The following DNAJC13 variants were observed in gnomAD, a reference collection of about 807,000 sequenced individuals.
DNAJC13 encodes dnaJ homolog subfamily C member 13.
Under a neutral mutation model 290.5 loss-of-function variants are expected in DNAJC13, and 75 were observed. The ratio of observed to expected loss-of-function variants is 0.26; its 90% CI spans 0.21 to 0.31. DNAJC13 has a LOEUF of 0.31. Ranked by LOEUF, DNAJC13 falls within the 10% of genes least tolerant of loss-of-function variation. DNAJC13 has a pLI of 1.00. For missense variants in DNAJC13, 2,260 were observed against 2,674.5 expected (o/e 0.85, Z 3.42); for synonymous variants, 862 against 892.0 (o/e 0.97, Z 0.60).
chr3:132,472,581 A>C, intron 20 of DNAJC13: 6 of 985,344 alleles, frequency 6.1e-6, no homozygotes, highest in Non-Finnish European at 7.2e-6. Context: ...GGTGAGTGTA[A>C]GTTCCTGCTA....
chr3:132,463,715 C>G lies in DNAJC13; in HGVS notation c.1790C>G (p.Ala597Gly). ...CCAAAGGAAGGTGATAAAGAAATTGCTACAAAAATGCAGGAGCTTGCCCTA... is the reference window on the plus strand; with the variant it reads ...CCAAAGGAAGGTGATAAAGAAATTGGTACAAAAATGCAGGAGCTTGCCCTA... ...AIIEEGDKEI[A>G]TKMQELALSE... The change falls in exon 17 of 56, where the codon GCT becomes GGT. Residue 597 changes from alanine to glycine, a missense_variant. Physicochemically the swap from Ala to Gly is moderately conservative, Grantham distance 60. This residue lies in a region of DNAJC13 where 762 missense variants were observed against 964.1 expected (regional missense o/e 0.79). Coordinates refer to ENST00000260818, the MANE Select transcript of DNAJC13 (RefSeq NM_015268.4). 6.2e-7 allele frequency: 1 copy of G among 1,612,686 alleles called. No homozygotes were observed. Among genetic ancestry groups the G allele is most frequent in the Non-Finnish European group, 8.5e-7 (1 of 1,179,108 alleles).
In DNAJC13 at chr3:132,528,284, T is replaced by A. The variant is rs1936319896; in HGVS notation, c.6477T>A (p.Ile2159=). 1 of 1,614,040 alleles carries A rather than the reference T, an allele frequency of 6.2e-7. No individual in the cohort carries two copies. The highest frequency in any genetic ancestry group is 1.3e-5 in the African/African-American group (1 of 74,916). The part of the protein sequence containing the change: ...LDSPAATKAQ[I]VKALKAMTRS... The stretch of plus-strand genomic sequence containing the variant: ...GCCCAGCAGCCACTAAGGCTCAGAT[T>A]GTTAAAGCTCTCAAGGCAATGACTC... Residue 2159 remains isoleucine (I), a synonymous_variant, in exon 54 of 56, where the codon ATT becomes ATA. Coordinates refer to ENST00000260818, the MANE Select transcript of DNAJC13 (RefSeq NM_015268.4).
chr3:132,533,333 CT>C (rs1180651951), intron 55 of DNAJC13, among the ~76,000 whole-genome samples: 77 of 115,698 alleles, frequency 6.7e-4, no homozygotes, highest in African/African-American at 9.4e-4. Context: ...TGCCCGCCCT[CT>C]TTTTTTTTTT....
intron 38 of DNAJC13, 25 bp downstream of exon 38, chr3:132,499,833 AG>A (rs765943922): frequency 6.2e-7 from 1 of 1,600,004 alleles, no homozygotes; most frequent in South Asian, 1.1e-5. Context: ...TGTGGTTCCA[AG>A]AAAATTGCAC....
At chr3:132,423,211 T>G (rs1412786051) in intron 1 of DNAJC13, among the ~76,000 whole-genome samples, 1 of 152,058 alleles carries the variant, frequency 6.6e-6, no homozygotes, top group Non-Finnish European at 1.5e-5. Context: ...CCCAGGAGAC[T>G]GAGATTACAG....
At chr3:132,423,772 T>C (rs1939022364) in intron 1 of DNAJC13, among the ~76,000 whole-genome samples, 1 of 152,186 alleles carries the variant, frequency 6.6e-6, no homozygotes, top group South Asian at 2.1e-4. Context: ...AAGAACAGTG[T>C]TTGGGTTTTC....
chr3:132,527,964 G>A (rs1412193172), intron 53 of DNAJC13, among the ~76,000 whole-genome samples: 1 of 152,132 alleles, frequency 6.6e-6, no homozygotes, highest in Non-Finnish European at 1.5e-5. Context: ...TTTACCCTCT[G>A]TGCATTAATT....
intron 36 of DNAJC13, among the ~76,000 whole-genome samples, chr3:132,497,606 AT>A (rs747702707): frequency 6.6e-6 from 1 of 152,214 alleles, no homozygotes; most frequent in Non-Finnish European, 1.5e-5. Flanking sequence ...TTTATAATAC[AT>A]TTTAGATATA....
Position 132,489,108 on chromosome 3 carries a change from T to C in DNAJC13, c.3468+87T>C, listed in dbSNP as rs553740368. Reference sequence around the variant, plus strand: ...TTCCTGAGCTGTGTATTATGTTTACTAGATTATAAGTACTTGAGGGTAGGT... The same window carrying C: ...TTCCTGAGCTGTGTATTATGTTTACCAGATTATAAGTACTTGAGGGTAGGT... On this transcript the variant is annotated intron_variant, in intron 31 of 55. Coordinates refer to ENST00000260818, the MANE Select transcript of DNAJC13 (RefSeq NM_015268.4). 4.1e-5 allele frequency: 44 copies of C among 1,066,148 alleles called. No individual in the cohort carries two copies. The African/African-American group carries it at 6.0e-4, about 15-fold the overall frequency. 66.0% of individuals were successfully genotyped at this position (1,066,148 alleles called of 1,614,324 possible). A position where few individuals can be genotyped will look rare whatever the true frequency, so the allele number is the denominator to read the frequency against.
rs1933829651 is a variant in DNAJC13, at chr3:132,462,450, TC to T, written c.1714-12del. The stretch of plus-strand genomic sequence containing the variant: ...TTCTTTTTTATTTTTTGATACTTTT[TC>T]CCCCTCACTTTAAAGCATCCTTCCA... On this transcript the variant is annotated splice_polypyrimidine_tract_variant and intron_variant, in intron 15 of 55. Coordinates refer to ENST00000260818, the MANE Select transcript of DNAJC13 (RefSeq NM_015268.4). The T allele has an allele frequency of 1.2e-6, 2 of 1,605,928 alleles. No individual in the cohort carries two copies. Among genetic ancestry groups the T allele is most frequent in the African/African-American group, 1.3e-5 (1 of 74,572 alleles).
Position 132,460,299 on chromosome 3 carries a change from C to A in DNAJC13, c.1499C>A (p.Ser500Tyr). The A allele has an allele frequency of 6.2e-7, 1 of 1,612,486 alleles. No individual in the cohort carries two copies. The highest frequency in any genetic ancestry group is 8.5e-7 in the Non-Finnish European group (1 of 1,179,110). ...AGACAAGAACAGTTGAACAAAGCTT[C>A]TCTTCTCTCGTCAAAGAAGTTTCTG... ...DLRQEQLNKA[S>Y]LLSSKKFLEN... is the part of the protein sequence containing the mutation. Residue 500 changes from serine (S) to tyrosine (Y), a missense_variant, in exon 14 of 56, where the codon TCT (serine) becomes TAT (tyrosine). This residue lies in a region of DNAJC13 where 762 missense variants were observed against 964.1 expected (regional missense o/e 0.79). Transcript: ENST00000260818.
intron 20 of DNAJC13, chr3:132,472,660 A>G: frequency 1.1e-6 from 1 of 900,506 alleles, no homozygotes; most frequent in Non-Finnish European, 1.3e-6. Context: ...TAATAAATTC[A>G]AGTCTTAACT....
At position 132,477,748 on chromosome 3, in the gene DNAJC13, A is replaced by G; in HGVS notation, c.2446-41A>G. On this transcript the variant is annotated intron_variant, in intron 22 of 55. Coordinates refer to ENST00000260818, the MANE Select transcript of DNAJC13 (RefSeq NM_015268.4). ...CAATTATTAGAAATTGCCAAAATCTATTGTAAACTAAAATAGTGTAATTTG... is the reference window on the plus strand; with the variant it reads ...CAATTATTAGAAATTGCCAAAATCTGTTGTAAACTAAAATAGTGTAATTTG... The G allele has an allele frequency of 2.7e-6, 4 of 1,478,346 alleles. No homozygotes were observed. In the South Asian group the frequency reaches 3.7e-5, roughly 14 times the overall value. The allele number at this position is 1,478,346 out of a possible 1,614,324, so 91.6% of individuals were successfully genotyped here.
chr3:132,524,576 T>TA (rs1419699342), intron 51 of DNAJC13, among the ~76,000 whole-genome samples: 2 of 152,266 alleles, frequency 1.3e-5, no homozygotes, highest in African/African-American at 4.8e-5. Flanking sequence ...AGAAATTAGT[T>TA]ACTATCATTA....
At chr3:132,439,684 A>C (rs1002619844) in intron 2 of DNAJC13, among the ~76,000 whole-genome samples, 3 of 152,236 alleles carry the variant, frequency 2.0e-5, no homozygotes, top group Non-Finnish European at 4.4e-5. Context: ...CAGACATTGC[A>C]TCATGGAATT....
chr3:132,456,445 T>C, intron 10 of DNAJC13, 44 bp downstream of exon 10: 2 of 1,609,246 alleles, frequency 1.2e-6, no homozygotes, highest in Non-Finnish European at 1.7e-6. Flanking sequence ...CTCATCTACT[T>C]AATTTAAGAA....
intron 25 of DNAJC13, 115 bp from the exon 26 acceptor site, chr3:132,480,254 T>G (rs1242071796): frequency 3.5e-6 from 2 of 575,332 alleles, no homozygotes; most frequent in Non-Finnish European, 6.0e-6. Context: ...ACTCCAAACA[T>G]TCTTTTCTTC....
intron 46 of DNAJC13, 114 bp downstream of exon 46, chr3:132,514,784 T>C: frequency 1.4e-6 from 1 of 733,146 alleles, no homozygotes; most frequent in Non-Finnish European, 2.3e-6. Flanking sequence ...AGTTTTAAAG[T>C]GTTATTTACA....
At chr3:132,495,265 C>A (rs1935200608) in intron 35 of DNAJC13, 99 bp downstream of exon 35, 2 of 883,602 alleles carry the variant, frequency 2.3e-6, no homozygotes, top group East Asian at 2.6e-5. Flanking sequence ...GTATCTGCCT[C>A]ATAATATATA....
Sources: gnomAD v4.1 joint callset for allele counts (sites outside exome capture counted in the v4.1 genomes callset) on GRCh38, gnomAD v4.1.1 for gene constraint, gnomAD v4.1.1 regional missense constraint, MANE v1.5 for transcripts, NCBI Gene and HGNC (gene_info 2026-07-23, HGNC 2026-07-21) for gene names.